The following PCDHGB2 variants were observed in gnomAD, a reference collection of about 807,000 sequenced individuals.
PCDHGB2 encodes the protein protocadherin gamma subfamily B, 2, also known as protocadherin gamma-B2.
A neutral mutation model predicts 59.3 loss-of-function variants in PCDHGB2; 55 were observed. The ratio of observed to expected loss-of-function variants is 0.93; its 90% CI spans 0.75 to 1.16. The LOEUF (loss-of-function observed/expected upper bound fraction) is 1.16. Among genes scored for constraint, PCDHGB2 ranks in the 50% most tolerant of loss-of-function variants. The probability of loss-of-function intolerance (pLI) is 0.00; values close to 1 mark genes in which losing one functional copy is unlikely to be tolerated. For synonymous variants in PCDHGB2, 516 were observed against 512.0 expected, an observed-to-expected ratio of 1.01 and a Z score of -0.11; for missense variants, 1,228 against 1,198.5, an observed-to-expected ratio of 1.02 and a Z score of -0.36.
chr5:141,371,377 C>T (rs1767709786), intron 1 of PCDHGB2: 3 of 1,614,006 alleles, frequency 1.9e-6, no homozygotes, highest in Non-Finnish European at 2.5e-6. Flanking sequence ...GGACATCACA[C>T]TGCATATTGT....
intron 1 of PCDHGB2, among the ~76,000 whole-genome samples, chr5:141,484,797 G>C (rs1228143036): frequency 6.6e-6 from 1 of 152,064 alleles, no homozygotes; most frequent in Non-Finnish European, 1.5e-5. Flanking sequence ...ATAACAACCC[G>C]TGGAAAAACA....
At position 141,360,900 on chromosome 5, in the gene PCDHGB2, G is replaced by A; in HGVS notation, c.765G>A (p.Val255=). The change falls in exon 1 of 4, where the codon GTG becomes GTA. Residue 255 remains valine (V), a synonymous_variant. Coordinates refer to ENST00000522605, the MANE Select transcript of PCDHGB2 (RefSeq NM_018923.3). ...DVYRVTLRED[V]PPGFFVLQVT... is the part of the protein sequence containing the mutation. ...ACAGGGTCACCCTGAGGGAGGACGT[G>A]CCGCCGGGCTTCTTTGTGCTTCAAG... The A allele has an allele frequency of 6.2e-7, 1 of 1,614,038 alleles. No individual in the cohort carries two copies. The highest frequency in any genetic ancestry group is 8.5e-7 in the Non-Finnish European group (1 of 1,179,904).
chr5:141,371,540 C>G, intron 1 of PCDHGB2: 1 of 1,613,730 alleles, frequency 6.2e-7, no homozygotes, highest in East Asian at 2.2e-5. Flanking sequence ...ATGGAGAAAT[C>G]CTATGCCAAC....
At chr5:141,398,882 G>C in intron 1 of PCDHGB2, 1 of 1,613,930 alleles carries the variant, frequency 6.2e-7, no homozygotes, top group Non-Finnish European at 8.5e-7. Flanking sequence ...GTCAGCCTTC[G>C]GGAAAACGTG....
At chr5:141,459,670 T>A (rs890411975) in intron 1 of PCDHGB2, among the ~76,000 whole-genome samples, 4 of 152,264 alleles carry the variant, frequency 2.6e-5, no homozygotes, top group African/African-American at 9.6e-5. Context: ...TACATTTTCA[T>A]GAGCAATGCA....
At position 141,477,222 on chromosome 5, in the gene PCDHGB2, C is replaced by T; in HGVS notation, c.2422-17585C>T. Reference sequence around the variant, plus strand: ...GTACCCGAGGATGCCCCTCTGGGGACTGTCATCGCTTTGCTCAGTGTGACT... The same window carrying T: ...GTACCCGAGGATGCCCCTCTGGGGATTGTCATCGCTTTGCTCAGTGTGACT... On this transcript the variant is annotated intron_variant, in intron 1 of 3. Transcript: ENST00000522605. This position sits in a 1 kb window ranked among gnomAD's most constrained non-coding sequence, Gnocchi z 4.9. 2 of 1,614,218 alleles carry T rather than the reference C, an allele frequency of 1.2e-6. No homozygotes were observed. Among genetic ancestry groups the T allele is most frequent in the South Asian group, 1.1e-5 (1 of 91,086 alleles).
At chr5:141,365,589 T>C (rs779313790) in intron 1 of PCDHGB2, 12 of 1,613,518 alleles carry the variant, frequency 7.4e-6, no homozygotes, top group Middle Eastern at 1.6e-4. Flanking sequence ...GATTATAATA[T>C]CACTTTAACC....
intron 1 of PCDHGB2, among the ~76,000 whole-genome samples, chr5:141,453,864 G>A (rs758778743): frequency 2.6e-5 from 4 of 152,192 alleles, no homozygotes; most frequent in Non-Finnish European, 5.9e-5. Context: ...GAAAATAACA[G>A]ATGAGCAAAA....
intron 1 of PCDHGB2, among the ~76,000 whole-genome samples, chr5:141,407,310 T>C (rs1468156890): frequency 6.6e-6 from 1 of 152,224 alleles, no homozygotes; most frequent in Non-Finnish European, 1.5e-5. Context: ...GTAGCCTTCA[T>C]ACTTAGTATT....
At chr5:141,419,663 G>A in intron 1 of PCDHGB2, 1 of 1,612,826 alleles carries the variant, frequency 6.2e-7, no homozygotes, top group Non-Finnish European at 8.5e-7. Flanking sequence ...GGGGCACAAT[G>A]CCTGGCTGTC....
intron 1 of PCDHGB2, chr5:141,370,272 A>G: frequency 1.3e-6 from 1 of 794,346 alleles, no homozygotes; most frequent in Non-Finnish European, 1.9e-6. Context: ...TGCAGCGGAG[A>G]CACCCATTAG....
At chr5:141,364,862 TTC>T in intron 1 of PCDHGB2, 3 of 1,613,988 alleles carry the variant, frequency 1.9e-6, no homozygotes, top group Non-Finnish European at 2.5e-6. Context: ...CAATCTGCAC[TTC>T]TCTCTGGATG....
intron 1 of PCDHGB2, chr5:141,394,133 G>T: frequency 6.2e-7 from 1 of 1,613,920 alleles, no homozygotes; most frequent in Non-Finnish European, 8.5e-7. Flanking sequence ...AAATCGCTCT[G>T]CACGTGGCAG....
intron 1 of PCDHGB2, among the ~76,000 whole-genome samples, chr5:141,452,300 T>C (rs886540131): frequency 2.0e-5 from 3 of 152,194 alleles, no homozygotes; most frequent in African/African-American, 7.2e-5. Flanking sequence ...TAAGAAAATA[T>C]TAGAGACTCA....
chr5:141,477,573 C>T lies in PCDHGB2; in HGVS notation c.2422-17234C>T, dbSNP rs1593790046. The T allele has an allele frequency of 6.2e-7, 1 of 1,614,056 alleles. No individual in the cohort carries two copies. Among genetic ancestry groups the T allele is most frequent in the South Asian group, 1.1e-5 (1 of 91,086 alleles). ...AACCTAAGTGTCTGGGACCCCGACGCCCCGCAGAATGCTCGGCTTTCTTTC... is the reference window on the plus strand; with the variant it reads ...AACCTAAGTGTCTGGGACCCCGACGTCCCGCAGAATGCTCGGCTTTCTTTC... On this transcript the variant is annotated intron_variant, in intron 1 of 3. Coordinates refer to ENST00000522605, the MANE Select transcript of PCDHGB2 (RefSeq NM_018923.3). This position sits in a 1 kb window ranked among gnomAD's most constrained non-coding sequence, Gnocchi z 4.9.
intron 1 of PCDHGB2, chr5:141,394,067 C>T (rs773390718): frequency 1.9e-6 from 3 of 1,613,794 alleles, no homozygotes; most frequent in Admixed American, 3.3e-5. Flanking sequence ...TCTCTATCTA[C>T]AATATCACAG....
chr5:141,455,158 T>TG (rs1279537888), intron 1 of PCDHGB2, among the ~76,000 whole-genome samples: 46 of 145,032 alleles, frequency 3.2e-4, no homozygotes, highest in African/African-American at 1.0e-3. Flanking sequence ...ATTAGTTTGT[T>TG]GGTTTTTTTT....
At chr5:141,421,473 C>G (rs907282414) in intron 1 of PCDHGB2, 14 of 1,614,112 alleles carry the variant, frequency 8.7e-6, no homozygotes, top group African/African-American at 1.3e-5. Flanking sequence ...ATCCGCGAAG[C>G]GGCAGCTTGA....
At chr5:141,494,215 G>T (rs984086536) in intron 1 of PCDHGB2, among the ~76,000 whole-genome samples, 2 of 152,200 alleles carry the variant, frequency 1.3e-5, no homozygotes, top group Non-Finnish European at 2.9e-5. Context: ...GCCCAATCTG[G>T]CATGACTCCT....
Sources: gnomAD v4.1 joint callset for allele counts (sites outside exome capture counted in the v4.1 genomes callset) on GRCh38, gnomAD v4.1.1 for gene constraint, Gnocchi (gnomAD v3.1) non-coding constraint, MANE v1.5 for transcripts, NCBI Gene and HGNC (gene_info 2026-07-23, HGNC 2026-07-21) for gene names.